Variants in HNF4G observed in about 807,000 individuals in gnomAD.
HNF4G encodes hepatocyte nuclear factor 4-gamma.
In HNF4G, 21 loss-of-function variants were observed where a neutral mutation model predicts 50.9. The ratio of observed to expected loss-of-function variants is 0.41; its 90% CI spans 0.29 to 0.59. The LOEUF (loss-of-function observed/expected upper bound fraction) is 0.59. Among genes scored for constraint, HNF4G ranks in the 20% least tolerant of loss-of-function variants. The pLI, the probability that HNF4G is intolerant of heterozygous loss-of-function variation, is 0.26. For missense variants in HNF4G, 527 were observed against 559.4 expected, an observed-to-expected ratio of 0.94 and a Z score of 0.58; for synonymous variants, 198 against 185.6, an observed-to-expected ratio of 1.07 and a Z score of -0.54.
intron 2 of HNF4G, among the ~76,000 whole-genome samples, chr8:75,525,031 C>A (rs1286996261): frequency 6.6e-6 from 1 of 152,154 alleles, no homozygotes; most frequent in Non-Finnish European, 1.5e-5. Context: ...GGTTCTCATT[C>A]TTCCTAAAGC....
intron 2 of HNF4G, among the ~76,000 whole-genome samples, chr8:75,499,004 G>A (rs1006945173): frequency 2.2e-4 from 33 of 151,928 alleles, no homozygotes; most frequent in African/African-American, 7.2e-4. Flanking sequence ...CTTCTATTTA[G>A]CATTTTACTG....
intron 1 of HNF4G, among the ~76,000 whole-genome samples, chr8:75,481,937 C>T (rs929538286): frequency 2.6e-5 from 4 of 152,158 alleles, no homozygotes; most frequent in African/African-American, 7.2e-5. Flanking sequence ...AATCTACTTG[C>T]ACCTTTGTTC....
At chr8:75,508,085 A>T (rs1805642569) in intron 2 of HNF4G, among the ~76,000 whole-genome samples, 1 of 152,164 alleles carries the variant, frequency 6.6e-6, no homozygotes, top group African/African-American at 2.4e-5. Context: ...ACAACATTAT[A>T]AGAATACAAT....
At chr8:75,412,317 A>G (rs1273080466) in intron 1 of HNF4G, among the ~76,000 whole-genome samples, 2 of 152,182 alleles carry the variant, frequency 1.3e-5, no homozygotes, top group Non-Finnish European at 2.9e-5. Flanking sequence ...TGTCAGTTGT[A>G]TATCCCAGAG....
intron 6 of HNF4G, among the ~76,000 whole-genome samples, chr8:75,557,713 G>A (rs1162338962): frequency 6.6e-6 from 1 of 152,180 alleles, no homozygotes; most frequent in African/African-American, 2.4e-5. Context: ...AGAAAAAAGA[G>A]TGAGGCTACC....
chr8:75,415,324 T>A (rs1810606896), intron 1 of HNF4G, among the ~76,000 whole-genome samples: 1 of 152,112 alleles, frequency 6.6e-6, no homozygotes, highest in African/African-American at 2.4e-5. Flanking sequence ...CCACATGAAT[T>A]TATTCTTATA....
At chr8:75,513,825 T>C (rs564648237) in intron 2 of HNF4G, among the ~76,000 whole-genome samples, 66 of 151,798 alleles carry the variant, frequency 4.3e-4, no homozygotes, top group African/African-American at 1.5e-3. Context: ...CTTTTTATTA[T>C]ATTTTTTATT....
chr8:75,541,792 T>C (rs1023082252), intron 1 of HNF4G, among the ~76,000 whole-genome samples: 5 of 152,016 alleles, frequency 3.3e-5, no homozygotes, highest in Non-Finnish European at 7.4e-5. Flanking sequence ...AATATCTACA[T>C]TTAAAAAATA....
intron 2 of HNF4G, among the ~76,000 whole-genome samples, chr8:75,490,564 T>C (rs1812603129): frequency 6.6e-6 from 1 of 152,218 alleles, no homozygotes; most frequent in Non-Finnish European, 1.5e-5. Context: ...AGAACATTTA[T>C]TTAATGATGG....
chr8:75,548,282 A>C (rs1206201842), intron 3 of HNF4G, among the ~76,000 whole-genome samples: 2 of 152,080 alleles, frequency 1.3e-5, no homozygotes, highest in East Asian at 3.9e-4. Flanking sequence ...ACCACACCTG[A>C]CACAAATGTA....
chr8:75,536,715 C>T (rs71529220), upstream of HNF4G, among the ~76,000 whole-genome samples: 10,325 of 152,014 alleles, frequency 0.068, 385 homozygotes, highest in Non-Finnish European at 0.079. Flanking sequence ...ACCACAATCA[C>T]GAATGAATGG....
intron 2 of HNF4G, among the ~76,000 whole-genome samples, chr8:75,545,251 G>GTGTC (rs1806741602): frequency 6.6e-6 from 1 of 151,450 alleles, no homozygotes; most frequent in African/African-American, 2.4e-5. Context: ...GTGTGTGTGT[G>GTGTC]TGTGTGTGTG....
intron 6 of HNF4G, 132 bp downstream of exon 6, chr8:75,556,201 T>C (rs1333345121): frequency 2.2e-6 from 1 of 454,860 alleles, no homozygotes; most frequent in Non-Finnish European, 4.0e-6. Flanking sequence ...ACAGGTTTAA[T>C]TTAATTGTGT....
chr8:75,561,326 G>A (rs184824388), intron 9 of HNF4G, among the ~76,000 whole-genome samples: 348 of 152,220 alleles, frequency 2.3e-3, no homozygotes, highest in Non-Finnish European at 3.8e-3. Flanking sequence ...ACATTCCCAT[G>A]GTCAGCTACT....
At chr8:75,553,692 A>G (rs1362506697) in intron 5 of HNF4G, among the ~76,000 whole-genome samples, 1 of 152,128 alleles carries the variant, frequency 6.6e-6, no homozygotes, top group Non-Finnish European at 1.5e-5. Flanking sequence ...TTTACCTTTC[A>G]TGCTGTCAAT....
At chr8:75,520,716 G>A (rs540056820) in intron 2 of HNF4G, among the ~76,000 whole-genome samples, 1 of 152,122 alleles carries the variant, frequency 6.6e-6, no homozygotes, top group Non-Finnish European at 1.5e-5. Context: ...GGGATTACAA[G>A]TGTGCACCAC....
At chr8:75,562,709 T>C (rs548006606) in intron 9 of HNF4G, among the ~76,000 whole-genome samples, 1 of 152,316 alleles carries the variant, frequency 6.6e-6, no homozygotes, top group African/African-American at 2.4e-5. Context: ...AATCACATTG[T>C]TACTTTCATT....
chr8:75,462,833 T>G (rs1811885680), intron 1 of HNF4G, among the ~76,000 whole-genome samples: 1 of 152,172 alleles, frequency 6.6e-6, no homozygotes, highest in Non-Finnish European at 1.5e-5. Context: ...TAAGGAATGT[T>G]GTTCCTTCTC....
intron 2 of HNF4G, among the ~76,000 whole-genome samples, chr8:75,533,881 GTATTT>G (rs980189130): frequency 3.3e-5 from 5 of 151,786 alleles, no homozygotes; most frequent in Non-Finnish European, 7.4e-5. Flanking sequence ...ATCTATTATT[GTATTT>G]TATATGGAGA....
Sources: allele counts gnomAD v4.1 joint callset (sites outside exome capture counted in the v4.1 genomes callset), GRCh38; gene constraint gnomAD v4.1.1; transcripts MANE v1.5; gene names NCBI Gene and HGNC (gene_info 2026-07-23, HGNC 2026-07-21).